The following SPATA7 variants were observed in gnomAD, a reference collection of about 807,000 sequenced individuals.
SPATA7 encodes the protein spermatogenesis associated 7, also known as spermatogenesis-associated protein 7.
SPATA7 carries 43 observed loss-of-function variants against 51.8 expected under a neutral mutation model. The observed-to-expected ratio is 0.83, with a 90% confidence interval of 0.65 to 1.07. The LOEUF (loss-of-function observed/expected upper bound fraction) is 1.07, where lower values mean the gene tolerates loss of function less well. Among genes scored for constraint, SPATA7 ranks in the 50% least tolerant of loss-of-function variants. The pLI is 0.00. For missense variants in SPATA7, 683 were observed against 701.3 expected, an observed-to-expected ratio of 0.97 and a Z score of 0.30; for synonymous variants, 230 against 252.8, an observed-to-expected ratio of 0.91 and a Z score of 0.86.
intron 4 of SPATA7, chr14:88,468,901 C>T: frequency 6.2e-7 from 1 of 1,613,868 alleles, no homozygotes. Flanking sequence ...GCCAGGTGAT[C>T]ATAAGCGCCA....
chr14:88,421,456 T>C (rs2076639580), intron 5 of SPATA7, among the ~76,000 whole-genome samples: 1 of 152,208 alleles, frequency 6.6e-6, no homozygotes, highest in Non-Finnish European at 1.5e-5. Flanking sequence ...TGAGTCTGGA[T>C]TTTTTTCCTT....
At chr14:88,417,585 A>G (rs11159856) in intron 5 of SPATA7, among the ~76,000 whole-genome samples, 33,407 of 152,076 alleles carry the variant, frequency 0.22, 3,951 homozygotes, top group East Asian at 0.3. Context: ...TAGGATTACA[A>G]GCATGAGCCA....
intron 4 of SPATA7, chr14:88,467,970 T>C: frequency 1.1e-6 from 1 of 901,074 alleles, no homozygotes; most frequent in Non-Finnish European, 1.8e-6. Flanking sequence ...CTTCAGCCTG[T>C]GCTTCGCACG....
At chr14:88,408,181 G>A (rs145242301) in intron 4 of SPATA7, among the ~76,000 whole-genome samples, 5,530 of 152,078 alleles carry the variant, frequency 0.036, 314 homozygotes, top group African/African-American at 0.12. Context: ...ATAGCACTGA[G>A]TCTATAAATT....
chr14:88,430,156 G>A (rs1437021953), intron 8 of SPATA7, among the ~76,000 whole-genome samples: 1 of 152,016 alleles, frequency 6.6e-6, no homozygotes, highest in Non-Finnish European at 1.5e-5. Flanking sequence ...TAGAAGAAAG[G>A]AAGGAGTAGA....
intron 7 of SPATA7, chr14:88,428,587 T>C (rs2076858659): frequency 6.6e-6 from 1 of 152,212 alleles, no homozygotes; most frequent in Non-Finnish European, 1.5e-5. Flanking sequence ...GCAAAGTGCC[T>C]AGCCTGGTAA....
At position 88,385,823 on chromosome 14, in the gene SPATA7, ATGGCAGCCGGAGAGGTAAAGGGCAGC is replaced by A. The variant is rs1595158200; in HGVS notation, c.8_19+14del. On this transcript the variant is annotated splice_donor_variant and splice_donor_5th_base_variant and coding_sequence_variant and intron_variant, in exon 1 of 12. Coordinates refer to ENST00000393545, the MANE Select transcript of SPATA7 (RefSeq NM_018418.5). LOFTEE classifies it high-confidence loss of function. The stretch of plus-strand genomic sequence containing the variant: ...GCGGCTGCAAGAGGACTAAGCATGG[ATGGCAGCCGGAGAGGTAAAGGGCAGC>A]TGTCAGGGGCTACCGCCGCCTCGCC... 1 of 1,605,718 alleles carries A rather than the reference ATGGCAGCCGGAGAGGTAAAGGGCAGC, an allele frequency of 6.2e-7. No homozygotes were observed. Among genetic ancestry groups the A allele is most frequent in the East Asian group, 2.2e-5 (1 of 44,586 alleles).
intron 4 of SPATA7, among the ~76,000 whole-genome samples, chr14:88,465,132 A>G (rs2077347968): frequency 6.6e-6 from 1 of 152,180 alleles, no homozygotes; most frequent in Admixed American, 6.5e-5. Flanking sequence ...TTCCAGAAGA[A>G]ATTAATGACT....
chr14:88,438,246 G>A lies in SPATA7; in HGVS notation c.1624G>A (p.Glu542Lys). Residue 542 changes from glutamate to lysine, a missense_variant, in exon 12 of 12, where the codon GAA becomes AAA. By Grantham distance (56) the Glu-to-Lys change is moderately conservative. Coordinates refer to ENST00000393545, the MANE Select transcript of SPATA7 (RefSeq NM_018418.5). The part of the protein sequence containing the change: ...TDRETSVNVI[E>K]GDSDPEKVEI... Reference sequence around the variant, plus strand: ...TCGGGAAACTTCTGTGAATGTCATTGAAGGTGATAGTGACCCTGAAAAGGT... The same window carrying A: ...TCGGGAAACTTCTGTGAATGTCATTAAAGGTGATAGTGACCCTGAAAAGGT... 3 of 1,614,128 alleles carry A rather than the reference G, an allele frequency of 1.9e-6. No homozygotes were observed. Among genetic ancestry groups the A allele is most frequent in the Non-Finnish European group, 2.5e-6 (3 of 1,180,002 alleles).
At chr14:88,462,526 A>G (rs935906471) in intron 4 of SPATA7, among the ~76,000 whole-genome samples, 2 of 152,240 alleles carry the variant, frequency 1.3e-5, no homozygotes, top group African/African-American at 4.8e-5. Flanking sequence ...GCACACTTAA[A>G]TGTCAGTGGT....
At chr14:88,416,943 T>A (rs2076496827) in intron 5 of SPATA7, 99 bp downstream of exon 5, 3 of 1,030,150 alleles carry the variant, frequency 2.9e-6, no homozygotes, top group Non-Finnish European at 4.3e-6. Context: ...GTCAGCAAAT[T>A]TTTCCTGTAA....
chr14:88,408,473 G>T (rs1339308506), intron 4 of SPATA7, among the ~76,000 whole-genome samples: 1 of 152,194 alleles, frequency 6.6e-6, no homozygotes, highest in Non-Finnish European at 1.5e-5. Context: ...CTGAGACTTT[G>T]CTGAAGTTAC....
intron 4 of SPATA7, among the ~76,000 whole-genome samples, chr14:88,463,384 G>C (rs535533080): frequency 6.6e-6 from 1 of 151,610 alleles, no homozygotes; most frequent in African/African-American, 2.4e-5. Flanking sequence ...GCTGGCATAC[G>C]TTCTGAAAAG....
intron 4 of SPATA7, among the ~76,000 whole-genome samples, chr14:88,409,369 T>C (rs2076280053): frequency 6.6e-6 from 1 of 152,204 alleles, no homozygotes; most frequent in Non-Finnish European, 1.5e-5. Context: ...GATTTTCTAA[T>C]TTATTTGCAT....
At chr14:88,389,079 C>T (rs1367544974) in intron 1 of SPATA7, among the ~76,000 whole-genome samples, 1 of 151,834 alleles carries the variant, frequency 6.6e-6, no homozygotes, top group Non-Finnish European at 1.5e-5. Flanking sequence ...AAAGAAATTG[C>T]AAGTCATGCA....
chr14:88,447,810 G>A (rs1388078025), intron 3 of SPATA7, among the ~76,000 whole-genome samples: 1 of 151,928 alleles, frequency 6.6e-6, no homozygotes, highest in East Asian at 1.9e-4. Context: ...TCGAATATTG[G>A]CCCCCACTCT....
At position 88,433,257 on chromosome 14, in the gene SPATA7, A is replaced by G. The variant is rs2076987925; in HGVS notation, c.1160+45A>G. On this transcript the variant is annotated intron_variant, in intron 10 of 11. Coordinates refer to ENST00000393545, the MANE Select transcript of SPATA7 (RefSeq NM_018418.5). Reference sequence around the variant, plus strand: ...TTATGTTAATTCAGGAGTACATTAAATATTCTTCATATTTCTTCATATGAT... The same window carrying G: ...TTATGTTAATTCAGGAGTACATTAAGTATTCTTCATATTTCTTCATATGAT... 5 of 1,283,500 alleles carry G rather than the reference A, an allele frequency of 3.9e-6. No individual in the cohort carries two copies. The East Asian group carries it at 1.2e-4, about 30-fold the overall frequency. 79.5% of individuals were successfully genotyped at this position (1,283,500 alleles called of 1,614,324 possible).
chr14:88,458,009 C>G (rs558874640), downstream of SPATA7, among the ~76,000 whole-genome samples: 5,468 of 151,654 alleles, frequency 0.036, 318 homozygotes, highest in African/African-American at 0.13. Context: ...CTTTGGTTCT[C>G]TTTATATGCT....
intron 3 of SPATA7, among the ~76,000 whole-genome samples, chr14:88,454,258 G>A (rs2077269888): frequency 6.6e-6 from 1 of 152,124 alleles, no homozygotes; most frequent in South Asian, 2.1e-4. Flanking sequence ...TCCGTCACTT[G>A]TGGCATCTTC....
Sources: allele counts gnomAD v4.1 joint callset (sites outside exome capture counted in the v4.1 genomes callset), GRCh38; gene constraint gnomAD v4.1.1; transcripts MANE v1.5; gene names NCBI Gene and HGNC (gene_info 2026-07-23, HGNC 2026-07-21).